Variants in CDH13 observed in about 807,000 individuals in gnomAD.
The protein encoded by CDH13 is cadherin-13.
In CDH13, 24 loss-of-function variants were observed where a neutral mutation model predicts 63.8. The ratio of observed to expected loss-of-function variants is 0.38; its 90% CI spans 0.27 to 0.53. The LOEUF (loss-of-function observed/expected upper bound fraction) is 0.53, where lower values mean the gene tolerates loss of function less well. CDH13 is among the 20% of genes least tolerant of loss of function. The probability of loss-of-function intolerance (pLI) is 0.85; values close to 1 mark genes in which losing one functional copy is unlikely to be tolerated. For synonymous variants in CDH13, 503 were observed against 355.3 expected, an observed-to-expected ratio of 1.42 and a Z score of -4.67; for missense variants, 1,049 against 903.1, an observed-to-expected ratio of 1.16 and a Z score of -2.07.
intron 2 of CDH13, among the ~76,000 whole-genome samples, chr16:83,028,181 A>G (rs1212204785): frequency 6.6e-6 from 1 of 152,188 alleles, no homozygotes; most frequent in Admixed American, 6.6e-5. Context: ...AGGCCTTGTC[A>G]TTTGAGTAAT....
chr16:83,050,184 C>T lies in CDH13; in HGVS notation c.366+17966C>T, dbSNP rs988149426. ...GACCACAGCAGCCAGACCCGGGCCT[C>T]CTTCTGCCTACTGTCGCCATAACTC... On this transcript the variant is annotated intron_variant, in intron 3 of 13. Transcript: ENST00000567109. Among the ~76,000 whole-genome samples the T allele has an allele frequency of 3.3e-5, 5 of 152,134 alleles. No homozygotes were observed. In the East Asian group the frequency reaches 5.8e-4, roughly 18 times the overall value.
At chr16:82,968,828 GTAA>G (rs1487125759) in intron 2 of CDH13, among the ~76,000 whole-genome samples, 1 of 152,170 alleles carries the variant, frequency 6.6e-6, no homozygotes, top group Non-Finnish European at 1.5e-5. Context: ...TCTGTGTTAA[GTAA>G]TAATAAGGCT....
intron 1 of CDH13, among the ~76,000 whole-genome samples, chr16:82,740,776 C>T (rs1443717547): frequency 3.3e-5 from 5 of 152,194 alleles, no homozygotes; most frequent in African/African-American, 9.7e-5. Context: ...CACTTCCACC[C>T]ACTGGGCAAA....
intron 4 of CDH13, among the ~76,000 whole-genome samples, chr16:83,158,511 G>T (rs1053242613): frequency 6.6e-6 from 1 of 152,234 alleles, no homozygotes; most frequent in African/African-American, 2.4e-5. Context: ...GCAGGTCACA[G>T]ACCTCTCCTG....
intron 5 of CDH13, among the ~76,000 whole-genome samples, chr16:83,276,015 T>A (rs147167445): frequency 2.6e-5 from 4 of 151,986 alleles, no homozygotes; most frequent in Admixed American, 2.6e-4. Flanking sequence ...AAGGAAAAAA[T>A]GTACAAGGAA....
At chr16:83,066,559 T>A (rs954009971) in intron 3 of CDH13, among the ~76,000 whole-genome samples, 2 of 152,198 alleles carry the variant, frequency 1.3e-5, no homozygotes, top group African/African-American at 4.8e-5. Context: ...TTTCTTAATT[T>A]GCAAAGAGAA....
intron 6 of CDH13, among the ~76,000 whole-genome samples, chr16:83,484,494 T>C (rs1480622675): frequency 6.6e-6 from 1 of 152,262 alleles, no homozygotes; most frequent in Non-Finnish European, 1.5e-5. Flanking sequence ...ACAATTGCTA[T>C]TGTCAATCAT....
At chr16:83,206,990 G>A (rs2039201627) in intron 4 of CDH13, among the ~76,000 whole-genome samples, 1 of 152,216 alleles carries the variant, frequency 6.6e-6, no homozygotes, top group Non-Finnish European at 1.5e-5. Context: ...GAATGTGACA[G>A]ATCTGGAAAG....
intron 6 of CDH13, among the ~76,000 whole-genome samples, chr16:83,429,454 A>C (rs1316463762): frequency 1.3e-5 from 2 of 152,074 alleles, no homozygotes; most frequent in Non-Finnish European, 2.9e-5. Flanking sequence ...AGGCTCAGAG[A>C]CTTCCTGTGA....
intron 5 of CDH13, among the ~76,000 whole-genome samples, chr16:83,218,858 G>A (rs529221430): frequency 8.5e-5 from 13 of 152,202 alleles, no homozygotes; most frequent in South Asian, 4.2e-4. Context: ...TGCTGTTCTC[G>A]TGATAGTGAA....
intron 6 of CDH13, among the ~76,000 whole-genome samples, chr16:83,411,296 A>G (rs2092122177): frequency 1.3e-5 from 2 of 152,164 alleles, no homozygotes; most frequent in South Asian, 4.1e-4. Context: ...CACTGAAATT[A>G]GCATCCCCCT....
chr16:83,477,595 C>T (rs944798339), intron 6 of CDH13, among the ~76,000 whole-genome samples: 6 of 152,122 alleles, frequency 3.9e-5, no homozygotes, highest in African/African-American at 1.4e-4. Context: ...CATTCTCGGA[C>T]AGATGATGAA....
intron 2 of CDH13, among the ~76,000 whole-genome samples, chr16:82,932,381 C>A (rs903937466): frequency 6.6e-6 from 1 of 152,142 alleles, no homozygotes; most frequent in African/African-American, 2.4e-5. Context: ...AGGCAACAAC[C>A]GCTGAAGAGG....
At chr16:83,454,220 C>G (rs1161525443) in intron 6 of CDH13, among the ~76,000 whole-genome samples, 1 of 152,166 alleles carries the variant, frequency 6.6e-6, no homozygotes, top group Non-Finnish European at 1.5e-5. Flanking sequence ...AAAAGATTAA[C>G]CAGAAGACGT....
intron 1 of CDH13, among the ~76,000 whole-genome samples, chr16:82,701,883 T>A (rs2031055810): frequency 6.6e-6 from 1 of 152,164 alleles, no homozygotes; most frequent in African/African-American, 2.4e-5. Flanking sequence ...ACACAGAAGT[T>A]GGGACTTCAT....
At chr16:83,243,128 C>G (rs1386240914) in intron 5 of CDH13, among the ~76,000 whole-genome samples, 1 of 152,184 alleles carries the variant, frequency 6.6e-6, no homozygotes, top group Non-Finnish European at 1.5e-5. Context: ...TATTAACCAC[C>G]ATACCGCCAA....
At chr16:83,165,088 A>AT (rs1288209692) in intron 4 of CDH13, among the ~76,000 whole-genome samples, 1 of 151,556 alleles carries the variant, frequency 6.6e-6, no homozygotes, top group Non-Finnish European at 1.5e-5. Flanking sequence ...CAGGAGAAAA[A>AT]AAAAAAAAAA....
In CDH13 at chr16:83,602,024, C is replaced by T. The variant is rs529149411; in HGVS notation, c.961-430C>T. 1.8e-4 allele frequency among the ~76,000 whole-genome samples: 23 copies of T among 129,496 alleles called. 1 individual carries two copies. The South Asian group carries it at 5.4e-3, about 30-fold the overall frequency. 85.0% of individuals were successfully genotyped at this position (129,496 alleles called of 152,430 possible). A position where few individuals can be genotyped will look rare whatever the true frequency, so the allele number is the denominator to read the frequency against. ...AGGAGAATCGCTGGAACCCGGGAGGCGGAGGTTGCAGTGAGCCGAGATTGC... is the reference window on the plus strand; with the variant it reads ...AGGAGAATCGCTGGAACCCGGGAGGTGGAGGTTGCAGTGAGCCGAGATTGC... On this transcript the variant is annotated intron_variant, in intron 7 of 13. Coordinates refer to ENST00000567109, the MANE Select transcript of CDH13 (RefSeq NM_001257.5).
chr16:83,016,825 CAA>C (rs112503150), intron 2 of CDH13, among the ~76,000 whole-genome samples: 19,351 of 151,966 alleles, frequency 0.13, 1,407 homozygotes, highest in East Asian at 0.22. Flanking sequence ...TCTTTTTGTA[CAA>C]AAGATGCTCA....
Sources: allele counts gnomAD v4.1 joint callset (sites outside exome capture counted in the v4.1 genomes callset), GRCh38; gene constraint gnomAD v4.1.1; transcripts MANE v1.5; gene names NCBI Gene and HGNC (gene_info 2026-07-23, HGNC 2026-07-21).